Variants in SPMIP2 observed in about 807,000 individuals in gnomAD.
SPMIP2 encodes the protein sperm microtubule inner protein 2.
chr4:159,017,609 G>A, the SPMIP2 span, among the ~76,000 whole-genome samples: 7 of 152,110 alleles, frequency 4.6e-5, no homozygotes, highest in African/African-American at 1.4e-4. Context: ...GTTTTGGTGT[G>A]TCCTGCATGT....
At chr4:158,981,396 C>T in the SPMIP2 span, among the ~76,000 whole-genome samples, 1 of 152,212 alleles carries the variant, frequency 6.6e-6, no homozygotes, top group East Asian at 1.9e-4. Context: ...CCCCAAGACA[C>T]ATAATCATCA....
the SPMIP2 span, among the ~76,000 whole-genome samples, chr4:159,047,024 T>G: frequency 6.6e-6 from 1 of 152,326 alleles, no homozygotes; most frequent in Non-Finnish European, 1.5e-5. Context: ...ACTTTGACCT[T>G]TGGTTGCCTC....
the SPMIP2 span, chr4:158,973,179 G>A: frequency 2.2e-5 from 36 of 1,613,284 alleles, no homozygotes; most frequent in Admixed American, 5.7e-4. Context: ...ATATTTTGCT[G>A]GCAAGCTTCT....
At chr4:158,932,659 G>C in the SPMIP2 span, among the ~76,000 whole-genome samples, 2 of 152,140 alleles carry the variant, frequency 1.3e-5, no homozygotes, top group Non-Finnish European at 2.9e-5. Flanking sequence ...AGAGCACACA[G>C]AGAGTCAGGT....
chr4:158,954,874 A>AT, the SPMIP2 span, among the ~76,000 whole-genome samples: 5 of 152,182 alleles, frequency 3.3e-5, no homozygotes, highest in African/African-American at 1.2e-4. Context: ...AGCCCTGCCA[A>AT]TTCGTTGTTT....
At chr4:158,983,529 A>C in the SPMIP2 span, among the ~76,000 whole-genome samples, 1 of 143,570 alleles carries the variant, frequency 7.0e-6, no homozygotes, top group Non-Finnish European at 1.5e-5. Context: ...AGAATTTTCA[A>C]CCCAGAATTT....
At chr4:158,980,363 A>T in the SPMIP2 span, among the ~76,000 whole-genome samples, 1 of 152,146 alleles carries the variant, frequency 6.6e-6, no homozygotes, top group Non-Finnish European at 1.5e-5. Context: ...GCTAAAGGTC[A>T]AACTGCCTCC....
chr4:158,962,727 G>A, the SPMIP2 span, among the ~76,000 whole-genome samples: 1 of 152,094 alleles, frequency 6.6e-6, no homozygotes, highest in African/African-American at 2.4e-5. Context: ...AGGGAGAAAG[G>A]GGACATAAAG....
chr4:158,923,312 G>A, the SPMIP2 span, among the ~76,000 whole-genome samples: 8 of 152,018 alleles, frequency 5.3e-5, no homozygotes, highest in South Asian at 1.7e-3. Context: ...ATTTTGATAG[G>A]GACTGCATTG....
At chr4:158,977,715 C>T in the SPMIP2 span, among the ~76,000 whole-genome samples, 2 of 149,562 alleles carry the variant, frequency 1.3e-5, no homozygotes, top group African/African-American at 4.9e-5. Context: ...CCCGGGTTCA[C>T]GCCATTCTCC....
chr4:158,975,707 A>G, the SPMIP2 span, among the ~76,000 whole-genome samples: 13 of 152,154 alleles, frequency 8.5e-5, no homozygotes, highest in Admixed American at 7.9e-4. Context: ...GTAGCCTTGT[A>G]CTATAGTTTG....
the SPMIP2 span, among the ~76,000 whole-genome samples, chr4:158,964,104 G>C: frequency 1.3e-5 from 2 of 151,520 alleles, no homozygotes; most frequent in African/African-American, 4.9e-5. Flanking sequence ...GCAGTGAGCC[G>C]AGATTGAGCC....
chr4:158,967,236 T>C, the SPMIP2 span, among the ~76,000 whole-genome samples: 1 of 152,120 alleles, frequency 6.6e-6, no homozygotes, highest in Admixed American at 6.6e-5. Context: ...AAATGTAACA[T>C]CTGTATATAA....
chr4:158,972,614 A>T, the SPMIP2 span, among the ~76,000 whole-genome samples: 2 of 152,132 alleles, frequency 1.3e-5, no homozygotes, highest in African/African-American at 2.4e-5. Flanking sequence ...GGTTTCTAAA[A>T]CCCTCTGACA....
the SPMIP2 span, among the ~76,000 whole-genome samples, chr4:158,901,911 T>C: frequency 5.6e-3 from 853 of 152,158 alleles, 4 homozygotes; most frequent in Non-Finnish European, 7.7e-3. Flanking sequence ...GGTTCTTAGC[T>C]TCCTTGCATT....
chr4:159,048,610 C>G, the SPMIP2 span, among the ~76,000 whole-genome samples: 1 of 151,748 alleles, frequency 6.6e-6, no homozygotes, highest in African/African-American at 2.4e-5. Context: ...CACGGTTTTT[C>G]CTCCCACATT....
the SPMIP2 span, among the ~76,000 whole-genome samples, chr4:159,056,742 A>C: frequency 6.6e-6 from 1 of 152,226 alleles, no homozygotes; most frequent in Admixed American, 6.5e-5. Flanking sequence ...TAGGGAAAAT[A>C]GAATGAGCAG....
chr4:158,985,212 G>A, the SPMIP2 span, among the ~76,000 whole-genome samples: 44 of 141,440 alleles, frequency 3.1e-4, no homozygotes, highest in Middle Eastern at 3.6e-3. Flanking sequence ...GTACAAGGAG[G>A]AACTGGTACC....
chr4:158,963,725 C>T, the SPMIP2 span, among the ~76,000 whole-genome samples: 1 of 132,968 alleles, frequency 7.5e-6, no homozygotes, highest in Non-Finnish European at 1.6e-5. Context: ...AATCAGCTGA[C>T]TTGAAGAAAG....
Sources: allele counts gnomAD v4.1 joint callset (sites outside exome capture counted in the v4.1 genomes callset), GRCh38; gene constraint gnomAD v4.1.1; transcripts MANE v1.5; gene names NCBI Gene and HGNC (gene_info 2026-07-23, HGNC 2026-07-21).